Variants in KNTC1 observed in about 807,000 individuals in gnomAD.
The protein encoded by KNTC1 is kinetochore associated 1.
Under a neutral mutation model 314.4 loss-of-function variants are expected in KNTC1, and 253 were observed. That is an observed-to-expected ratio of 0.80 (90% confidence interval 0.73 to 0.89). KNTC1 has a LOEUF of 0.89. KNTC1 is among the 40% of genes least tolerant of loss of function. KNTC1 has a pLI of 0.00. For missense variants in KNTC1, 2,475 were observed against 2,572.9 expected, an observed-to-expected ratio of 0.96 and a Z score of 0.82; for synonymous variants, 901 against 901.4, an observed-to-expected ratio of 1.00 and a Z score of 0.01.
chr12:122,569,695 C>G lies in KNTC1; in HGVS notation c.1731C>G (p.Ser577Arg), dbSNP rs1326687921. Residue 577 changes from serine (S) to arginine (R), a missense_variant, in exon 22 of 64, where the codon AGC becomes AGG. By Grantham distance (110) the Ser-to-Arg change is moderately radical (BLOSUM62 -1). Transcript: ENST00000333479. ...LWLRHRANFE[S>R]RFDVKMLESL... ...TTATAATTTAGGCAAACTTTGAAAGCAGATTTGATGTGAAAATGCTGGAGA... is the reference window on the plus strand; with the variant it reads ...TTATAATTTAGGCAAACTTTGAAAGGAGATTTGATGTGAAAATGCTGGAGA... The G allele has an allele frequency of 7.5e-6, 12 of 1,610,628 alleles. No homozygotes were observed. The highest frequency in any genetic ancestry group is 1.0e-5 in the Non-Finnish European group (12 of 1,178,600).
At chr12:122,536,196 C>A (rs1593479643) in intron 3 of KNTC1, among the ~76,000 whole-genome samples, 2 of 151,416 alleles carry the variant, frequency 1.3e-5, no homozygotes, top group African/African-American at 4.9e-5. Flanking sequence ...AGCCACGACA[C>A]CCGACCCCGA....
At chr12:122,557,742 T>A in intron 18 of KNTC1, 53 bp downstream of exon 18, 3 of 1,174,158 alleles carry the variant, frequency 2.6e-6, no homozygotes, top group Non-Finnish European at 3.7e-6. Flanking sequence ...GAATTTGCTT[T>A]AATCTCTCAT....
intron 18 of KNTC1, among the ~76,000 whole-genome samples, chr12:122,559,469 T>C (rs573860784): frequency 6.6e-6 from 1 of 152,350 alleles, no homozygotes; most frequent in Admixed American, 6.5e-5. Flanking sequence ...TCTCCATTTA[T>C]CAGTTGATGG....
chr12:122,604,789 G>T (rs1033885573), intron 49 of KNTC1, 88 bp from the exon 50 acceptor site: 1 of 1,324,296 alleles, frequency 7.6e-7, no homozygotes, highest in South Asian at 1.3e-5. Flanking sequence ...AGGAAGGGGG[G>T]AGGGATTGTG....
chr12:122,603,724 CTT>C, intron 48 of KNTC1, among the ~76,000 whole-genome samples: 2 of 152,112 alleles, frequency 1.3e-5, no homozygotes, highest in Non-Finnish European at 1.5e-5. Flanking sequence ...ATCTCTTGAC[CTT>C]GTGATCCGCC....
At chr12:122,618,589 G>A in intron 59 of KNTC1, 44 bp downstream of exon 59, 1 of 1,414,600 alleles carries the variant, frequency 7.1e-7, no homozygotes, top group Non-Finnish European at 9.9e-7. Context: ...AAAGTTTGTT[G>A]CTTATAAGAT....
intron 57 of KNTC1, 65 bp downstream of exon 57, chr12:122,615,591 C>T (rs2138171289): frequency 7.3e-7 from 1 of 1,368,206 alleles, no homozygotes; most frequent in Non-Finnish European, 9.8e-7. Flanking sequence ...CTTGTGACTG[C>T]TGGGGACACT....
intron 20 of KNTC1, among the ~76,000 whole-genome samples, chr12:122,565,242 T>G (rs1249118024): frequency 1.5e-5 from 2 of 131,060 alleles, no homozygotes; most frequent in Non-Finnish European, 3.4e-5. Flanking sequence ...CTTGAGTTGT[T>G]TTTTTTTTTT....
intron 24 of KNTC1, among the ~76,000 whole-genome samples, chr12:122,571,504 G>C (rs1345019456): frequency 6.6e-6 from 1 of 151,396 alleles, no homozygotes; most frequent in East Asian, 1.9e-4. Context: ...GACTACAGGT[G>C]CGCATCACCA....
At chr12:122,613,840 TTTG>T (rs377397973) in intron 55 of KNTC1, 79 bp downstream of exon 55, 715 of 1,398,522 alleles carry the variant, frequency 5.1e-4, no homozygotes, top group South Asian at 1.2e-3. Flanking sequence ...GAACAGTCTT[TTTG>T]TTGTTGTTGT....
intron 60 of KNTC1, among the ~76,000 whole-genome samples, chr12:122,621,296 T>C (rs978716606): frequency 1.3e-5 from 2 of 151,712 alleles, no homozygotes; most frequent in African/African-American, 4.8e-5. Context: ...CAGGTAGATA[T>C]ACCAGTAGAT....
At chr12:122,616,646 A>T (rs1430948279) in intron 57 of KNTC1, among the ~76,000 whole-genome samples, 1 of 152,222 alleles carries the variant, frequency 6.6e-6, no homozygotes, top group Non-Finnish European at 1.5e-5. Context: ...AAATGCAATC[A>T]CATTCTAAAC....
chr12:122,535,664 A>C (rs556857329), intron 3 of KNTC1, among the ~76,000 whole-genome samples: 35 of 151,230 alleles, frequency 2.3e-4, no homozygotes, highest in Non-Finnish European at 5.0e-4. Flanking sequence ...ACAACAACAA[A>C]AATTAGCTGG....
Position 122,605,067 on chromosome 12 carries a change from C to T in KNTC1, c.5366C>T (p.Ser1789Leu), listed in dbSNP as rs775412077. The T allele has an allele frequency of 2.6e-5, 42 of 1,610,764 alleles. No homozygotes were observed. The highest frequency in any genetic ancestry group is 3.4e-5 in the Non-Finnish European group (40 of 1,178,718). ...HPSINQRIQN[S>L]SGTDYPDIHA... The stretch of plus-strand genomic sequence containing the variant: ...AGCATCAATCAAAGAATTCAGAATT[C>T]ATCTGGCACAGATTATCCTGGTGAG... Residue 1789 changes from serine (S) to leucine (L), a missense_variant, in exon 50 of 64, where the codon TCA (serine) becomes TTA (leucine). By Grantham distance (145) the Ser-to-Leu change is moderately radical (BLOSUM62 -2). Coordinates refer to ENST00000333479, the MANE Select transcript of KNTC1 (RefSeq NM_014708.6).
chr12:122,594,507 T>A (rs1243008106), intron 43 of KNTC1, 122 bp downstream of exon 43: 3 of 623,810 alleles, frequency 4.8e-6, no homozygotes, highest in Non-Finnish European at 8.5e-6. Context: ...TTTTGCTCAT[T>A]CCCAAACTGA....
Position 122,603,031 on chromosome 12 carries a change from C to T in KNTC1, c.4889C>T (p.Ser1630Phe). Residue 1630 changes from serine (S) to phenylalanine (F), a missense_variant, in exon 48 of 64, where the codon TCT becomes TTT. By Grantham distance (155) the Ser-to-Phe change is radical (BLOSUM62 -2). Coordinates refer to ENST00000333479, the MANE Select transcript of KNTC1 (RefSeq NM_014708.6). ...LLLISKLMKFSLDTLYVSTAK... is the reference protein window; with the variant it reads ...LLLISKLMKFFLDTLYVSTAK... ...TAACCTTCCTTTTCTTTGAAGTTCT[C>T]TCTGGACACTCTGTACGTGTCTACA... 1 of 1,613,242 alleles carries T rather than the reference C, an allele frequency of 6.2e-7. No homozygotes were observed. Among genetic ancestry groups the T allele is most frequent in the South Asian group, 1.1e-5 (1 of 91,026 alleles).
Position 122,582,949 on chromosome 12 carries a change from A to G in KNTC1, c.3227A>G (p.Lys1076Arg). 6.2e-7 allele frequency: 1 copy of G among 1,613,076 alleles called. No homozygotes were observed. The highest frequency in any genetic ancestry group is 8.5e-7 in the Non-Finnish European group (1 of 1,179,500). ...GCAGAGCTGACCTTGAGAGCCTTAA[A>G]AGATGGGAACATCAAAACAGCACTG... is the stretch of plus-strand genomic sequence containing the variant. ...LEAELTLRAL[K>R]DGNIKTALKK... Residue 1076 changes from lysine (K) to arginine (R), a missense_variant, in exon 34 of 64, where the codon AAA becomes AGA. Lys to Arg is a conservative substitution (Grantham distance 26). Coordinates refer to ENST00000333479, the MANE Select transcript of KNTC1 (RefSeq NM_014708.6).
At chr12:122,549,577 G>A (rs1963046019) in intron 12 of KNTC1, among the ~76,000 whole-genome samples, 189 bp from the exon 13 acceptor site, 1 of 151,968 alleles carries the variant, frequency 6.6e-6, no homozygotes, top group Non-Finnish European at 1.5e-5. Flanking sequence ...TGTTGCCCAG[G>A]CTGGTCTGGA....
chr12:122,600,195 G>C (rs1859191765), intron 44 of KNTC1, among the ~76,000 whole-genome samples: 1 of 152,104 alleles, frequency 6.6e-6, no homozygotes. Flanking sequence ...CGCCTCCTGG[G>C]TTCAAGCGAT....
Sources: gnomAD v4.1 joint callset for allele counts (sites outside exome capture counted in the v4.1 genomes callset) on GRCh38, gnomAD v4.1.1 for gene constraint, MANE v1.5 for transcripts, NCBI Gene and HGNC (gene_info 2026-07-23, HGNC 2026-07-21) for gene names.